WWOX: variants seen among roughly 807,000 people sequenced by gnomAD.
The protein encoded by WWOX is WW domain containing oxidoreductase, also known as WW domain-containing oxidoreductase.
Under a neutral mutation model 46.2 loss-of-function variants are expected in WWOX, and 69 were observed. That is an observed-to-expected ratio of 1.49 (90% confidence interval 1.23 to 1.82). The LOEUF (loss-of-function observed/expected upper bound fraction) is 1.82, where lower values mean the gene tolerates loss of function less well. Among genes scored for constraint, WWOX ranks in the 40% most tolerant of loss-of-function variants. The pLI, the probability that WWOX is intolerant of heterozygous loss-of-function variation, is 0.00. For missense variants in WWOX, 919 were observed against 542.6 expected (o/e 1.69, Z -6.89); for synonymous variants, 359 against 202.6 (o/e 1.77, Z -6.56).
chr16:79,212,363 A>T lies in WWOX; in HGVS notation c.*567A>T. ...GAGGATGACAGTGACACCCAGAGGG[A>T]GTAGAATACGCAGAACTACCAGGTG... On this transcript the variant is annotated 3_prime_UTR_variant, in exon 9 of 9. Transcript: ENST00000566780. 1 of 566,520 alleles carries T rather than the reference A, an allele frequency of 1.8e-6. No homozygotes were observed. The highest frequency in any genetic ancestry group is 3.0e-6 in the Non-Finnish European group (1 of 333,822). The allele number at this position is 566,520 out of a possible 1,614,324, so 35.1% of individuals were successfully genotyped here.
intron 5 of WWOX, among the ~76,000 whole-genome samples, chr16:78,221,873 CTTTG>C (rs993731472): frequency 8.5e-5 from 13 of 152,278 alleles, no homozygotes; most frequent in Admixed American, 6.5e-4. Flanking sequence ...CCAAAGCAGA[CTTTG>C]TTTGTTTGGT....
At position 78,400,047 on chromosome 16, in the gene WWOX, A is replaced by T. The variant is rs192903468; in HGVS notation, c.605+13099A>T. Reference sequence around the variant, plus strand: ...ATATTGTGAGTCCTTTCTTGTCTTCATTTTTGAAGAATCTATTGCATACCT... The same window carrying T: ...ATATTGTGAGTCCTTTCTTGTCTTCTTTTTTGAAGAATCTATTGCATACCT... On this transcript the variant is annotated intron_variant, in intron 6 of 8. Transcript: ENST00000566780. Among the ~76,000 whole-genome samples, 641 of 152,266 alleles carry T rather than the reference A, an allele frequency of 4.2e-3. 3 individuals are homozygous for T. Among genetic ancestry groups the T allele is most frequent in the Non-Finnish European group, 7.2e-3 (493 of 68,012 alleles).
At chr16:79,126,875 T>C (rs2049768650) in intron 8 of WWOX, among the ~76,000 whole-genome samples, 1 of 152,118 alleles carries the variant, frequency 6.6e-6, no homozygotes, top group Non-Finnish European at 1.5e-5. Context: ...AGCTGAATTT[T>C]GAGGAGGTAA....
At chr16:78,763,003 C>G (rs2049831125) in intron 8 of WWOX, among the ~76,000 whole-genome samples, 1 of 152,156 alleles carries the variant, frequency 6.6e-6, no homozygotes, top group African/African-American at 2.4e-5. Context: ...AGCAATAGAT[C>G]TCCATATGCA....
At chr16:79,041,138 G>T (rs1464502898) in intron 8 of WWOX, among the ~76,000 whole-genome samples, 1 of 152,134 alleles carries the variant, frequency 6.6e-6, no homozygotes, top group East Asian at 1.9e-4. Context: ...CCTATTGGCA[G>T]TCTCTGACAC....
intron 8 of WWOX, among the ~76,000 whole-genome samples, chr16:79,182,424 G>A (rs1398414560): frequency 1.3e-5 from 2 of 152,044 alleles, no homozygotes; most frequent in African/African-American, 4.8e-5. Context: ...GTTAATATAT[G>A]TTATCTAAAT....
intron 5 of WWOX, among the ~76,000 whole-genome samples, chr16:78,224,403 T>TA (rs56953728): frequency 0.024 from 3,427 of 141,632 alleles, 93 homozygotes; most frequent in African/African-American, 0.068. Flanking sequence ...CTTTAAAAAT[T>TA]AAAAAAAAAA....
chr16:78,177,246 C>G (rs1360415286), intron 5 of WWOX, among the ~76,000 whole-genome samples: 1 of 152,154 alleles, frequency 6.6e-6, no homozygotes, highest in African/African-American at 2.4e-5. Context: ...AATTTTCAAG[C>G]TATTTTAAAA....
At chr16:78,996,101 G>C in intron 8 of WWOX, 1 of 610,334 alleles carries the variant, frequency 1.6e-6, no homozygotes, top group Non-Finnish European at 2.1e-6. Context: ...AAATCAGAAC[G>C]TGGCCCCTTC....
intron 8 of WWOX, among the ~76,000 whole-genome samples, chr16:78,614,020 CA>C (rs2045961004): frequency 6.6e-6 from 1 of 152,220 alleles, no homozygotes; most frequent in East Asian, 1.9e-4. Flanking sequence ...CATATGCCCA[CA>C]AAGCCTAAAA....
At chr16:78,543,849 T>C (rs1173913727) in intron 8 of WWOX, among the ~76,000 whole-genome samples, 2 of 152,154 alleles carry the variant, frequency 1.3e-5, no homozygotes, top group Non-Finnish European at 2.9e-5. Context: ...GTCTTCCTGC[T>C]TATGACTCTG....
At chr16:79,188,404 TA>T (rs1396037889) in intron 8 of WWOX, among the ~76,000 whole-genome samples, 1 of 152,204 alleles carries the variant, frequency 6.6e-6, no homozygotes, top group Non-Finnish European at 1.5e-5. Flanking sequence ...ACTGTGTTAC[TA>T]AAGTTCTCTT....
chr16:78,988,442 A>C (rs1033426338), intron 8 of WWOX, among the ~76,000 whole-genome samples: 1 of 151,976 alleles, frequency 6.6e-6, no homozygotes, highest in Non-Finnish European at 1.5e-5. Context: ...GAGGGAGCAG[A>C]TACTGGAGAC....
intron 8 of WWOX, among the ~76,000 whole-genome samples, chr16:78,706,712 T>G (rs962634829): frequency 6.6e-6 from 1 of 152,194 alleles, no homozygotes; most frequent in African/African-American, 2.4e-5. Context: ...GTTTCCCTTT[T>G]GACCTGTGGG....
chr16:78,778,567 G>T (rs542289992), intron 8 of WWOX, among the ~76,000 whole-genome samples: 1 of 152,102 alleles, frequency 6.6e-6, no homozygotes, highest in Non-Finnish European at 1.5e-5. Flanking sequence ...GAAGAGCGAC[G>T]CAATAGAAAT....
chr16:78,127,451 G>A (rs2033407841), intron 4 of WWOX, among the ~76,000 whole-genome samples: 1 of 147,384 alleles, frequency 6.8e-6, no homozygotes, highest in Non-Finnish European at 1.5e-5. Context: ...TGGTATGAAG[G>A]AAAACATTTT....
chr16:78,435,526 G>T (rs775757817), intron 8 of WWOX, among the ~76,000 whole-genome samples: 9 of 152,214 alleles, frequency 5.9e-5, no homozygotes, highest in Non-Finnish European at 1.2e-4. Flanking sequence ...GAAAATGAGT[G>T]TGTAGCTCAT....
At chr16:78,702,359 A>G (rs9927805) in intron 8 of WWOX, among the ~76,000 whole-genome samples, 76,604 of 151,382 alleles carry the variant, frequency 0.51, 19,617 homozygotes, top group Admixed American at 0.56. Context: ...TGGTGAAATG[A>G]TGTAACCAGG....
chr16:78,855,894 A>G (rs1283281789), intron 8 of WWOX, among the ~76,000 whole-genome samples: 1 of 152,178 alleles, frequency 6.6e-6, no homozygotes, highest in Non-Finnish European at 1.5e-5. Context: ...CCTTACTCTC[A>G]TGTAACTCGA....
Sources: gnomAD v4.1 joint callset for allele counts (sites outside exome capture counted in the v4.1 genomes callset) on GRCh38, gnomAD v4.1.1 for gene constraint, MANE v1.5 for transcripts, NCBI Gene and HGNC (gene_info 2026-07-23, HGNC 2026-07-21) for gene names.